Variants in JAKMIP3 observed in about 807,000 individuals in gnomAD.
JAKMIP3 encodes the protein janus kinase and microtubule-interacting protein 3.
A neutral mutation model predicts 118.5 loss-of-function variants in JAKMIP3; 58 were observed. The ratio of observed to expected loss-of-function variants is 0.49; its 90% CI spans 0.40 to 0.61. The LOEUF (loss-of-function observed/expected upper bound fraction) is 0.61, where lower values mean the gene tolerates loss of function less well. JAKMIP3 is among the 20% of genes least tolerant of loss of function. The probability of loss-of-function intolerance (pLI) is 0.00; values close to 1 mark genes in which losing one functional copy is unlikely to be tolerated. For synonymous variants in JAKMIP3, 486 were observed against 451.2 expected (o/e 1.08, Z -0.98); for missense variants, 950 against 1,109.0 (o/e 0.86, Z 2.04).
At chr10:132,072,086 G>T (rs2040052044) in intron 1 of JAKMIP3, among the ~76,000 whole-genome samples, 1 of 151,858 alleles carries the variant, frequency 6.6e-6, no homozygotes, top group Admixed American at 6.6e-5. Flanking sequence ...CGAGTAGCTG[G>T]GATTACAGGC....
chr10:132,073,493 C>CTATT (rs1376908455), intron 1 of JAKMIP3, among the ~76,000 whole-genome samples: 2 of 134,902 alleles, frequency 1.5e-5, no homozygotes, highest in Admixed American at 7.5e-5. Flanking sequence ...CCTATCTTTA[C>CTATT]TTTTTTTTTT....
At chr10:132,114,396 T>C (rs904742527) in intron 2 of JAKMIP3, among the ~76,000 whole-genome samples, 11 of 152,216 alleles carry the variant, frequency 7.2e-5, no homozygotes, top group African/African-American at 2.4e-4. Flanking sequence ...TTAATTAATT[T>C]ATTTTTTTTG....
At chr10:132,176,687 T>C (rs962981756) in intron 23 of JAKMIP3, among the ~76,000 whole-genome samples, 1 of 152,014 alleles carries the variant, frequency 6.6e-6, no homozygotes, top group Non-Finnish European at 1.5e-5. Context: ...TTTTTTTGGG[T>C]GTTTGTGCTT....
intron 1 of JAKMIP3, among the ~76,000 whole-genome samples, chr10:132,072,728 C>A (rs9419339): frequency 1.3e-5 from 2 of 152,004 alleles, no homozygotes; most frequent in Admixed American, 6.5e-5. Flanking sequence ...TATCTCCATT[C>A]TTGGCCTCTA....
chr10:132,074,161 G>C (rs1459736179), intron 1 of JAKMIP3, among the ~76,000 whole-genome samples: 1 of 152,104 alleles, frequency 6.6e-6, no homozygotes, highest in African/African-American at 2.4e-5. Context: ...AAGGGATTCT[G>C]CTGCCTCAGA....
At position 132,044,436 on chromosome 10, in the gene JAKMIP3, C is replaced by T. The variant is rs2037849744; in HGVS notation, c.-138+7698C>T. 6.6e-6 allele frequency among the ~76,000 whole-genome samples: 1 copy of T among 152,182 alleles called. No homozygotes were observed. Among genetic ancestry groups the T allele is most frequent in the African/African-American group, 2.4e-5 (1 of 41,460 alleles). Reference sequence around the variant, plus strand: ...ATTCTGCAAGAGCTCGTGACGGGAGCTCACCAGTCTAGTAGGGAAGGTCAG... The same window carrying T: ...ATTCTGCAAGAGCTCGTGACGGGAGTTCACCAGTCTAGTAGGGAAGGTCAG... On this transcript the variant is annotated intron_variant, in intron 1 of 23. Coordinates refer to the JAKMIP3 transcript ENST00000657785. This position sits in a 1 kb window ranked among gnomAD's most constrained non-coding sequence, Gnocchi z 5.3.
At chr10:132,081,379 T>C (rs2041741246) in intron 1 of JAKMIP3, among the ~76,000 whole-genome samples, 1 of 152,240 alleles carries the variant, frequency 6.6e-6, no homozygotes, top group Non-Finnish European at 1.5e-5. Flanking sequence ...TTTTTGTCTA[T>C]GGTAGGAGCA....
At chr10:132,098,814 A>G (rs9419360) in intron 1 of JAKMIP3, among the ~76,000 whole-genome samples, 93,128 of 152,016 alleles carry the variant, frequency 0.61, 28,785 homozygotes, top group East Asian at 0.71. Flanking sequence ...AGCTGGATTT[A>G]CGACACTGGT....
intron 3 of JAKMIP3, among the ~76,000 whole-genome samples, chr10:132,119,494 C>T (rs1006693290): frequency 1.3e-5 from 2 of 152,198 alleles, no homozygotes; most frequent in Non-Finnish European, 2.9e-5. Flanking sequence ...CCGTCTCCCC[C>T]TTTCTCACAG....
intron 21 of JAKMIP3, among the ~76,000 whole-genome samples, chr10:132,165,695 C>A (rs1285023161): frequency 6.6e-6 from 1 of 152,218 alleles, no homozygotes; most frequent in Non-Finnish European, 1.5e-5. Context: ...GGACAGCAGT[C>A]GCCTTAGACG....
At chr10:132,074,307 C>A (rs961929347) in intron 1 of JAKMIP3, among the ~76,000 whole-genome samples, 5 of 152,242 alleles carry the variant, frequency 3.3e-5, no homozygotes, top group Non-Finnish European at 4.4e-5. Context: ...CCACCTTGGC[C>A]TCCCAAAGTG....
intron 23 of JAKMIP3, among the ~76,000 whole-genome samples, chr10:132,180,728 T>TGCGCGCGC (rs1186810345): frequency 5.0e-5 from 1 of 19,846 alleles, no homozygotes; most frequent in African/African-American, 3.2e-4. Flanking sequence ...TGCGTGTGTG[T>TGCGCGCGC]GCGTGTGTGC....
rs2059149628 is a variant in JAKMIP3 at position 132,168,274 on chromosome 10, G to A, written c.*344G>A. ...GTGTAGCATTCCCTGCCAAGCAGGGGTGAGAACTGCTTCTGTGCAGAAGCA... is the reference window on the plus strand; with the variant it reads ...GTGTAGCATTCCCTGCCAAGCAGGGATGAGAACTGCTTCTGTGCAGAAGCA... On this transcript the variant is annotated 3_prime_UTR_variant, in exon 23 of 24. Transcript: ENST00000684848. The A allele has an allele frequency of 7.8e-7, 1 of 1,289,336 alleles. No homozygotes were observed. The highest frequency in any genetic ancestry group is 1.5e-5 in the African/African-American group (1 of 65,854). The allele number at this position is 1,289,336 out of a possible 1,614,324, so 79.9% of individuals were successfully genotyped here.
At chr10:132,082,563 C>T (rs745951129) in intron 1 of JAKMIP3, among the ~76,000 whole-genome samples, 52 of 152,196 alleles carry the variant, frequency 3.4e-4, no homozygotes, top group Middle Eastern at 3.4e-3. Flanking sequence ...TTAATTCATT[C>T]CTTTTTATGG....
chr10:132,053,912 C>A (rs1317421904), intron 1 of JAKMIP3, among the ~76,000 whole-genome samples: 1 of 152,072 alleles, frequency 6.6e-6, no homozygotes, highest in Non-Finnish European at 1.5e-5. Context: ...TGGTGGGCAC[C>A]TGTAGTCCCA....
intron 2 of JAKMIP3, among the ~76,000 whole-genome samples, chr10:132,110,097 C>A (rs2046619718): frequency 6.6e-6 from 1 of 152,208 alleles, no homozygotes; most frequent in African/African-American, 2.4e-5. Flanking sequence ...GAATCCAGTT[C>A]TGGACCTCAA....
intron 1 of JAKMIP3, among the ~76,000 whole-genome samples, chr10:132,037,918 G>A (rs116301093): frequency 0.011 from 1,733 of 152,364 alleles, 35 homozygotes; most frequent in African/African-American, 0.039. Context: ...GCCCCGAGTC[G>A]GTTGCAGCCT....
At chr10:132,134,086 C>A (rs943949141) in intron 4 of JAKMIP3, among the ~76,000 whole-genome samples, 2 of 152,234 alleles carry the variant, frequency 1.3e-5, no homozygotes, top group Admixed American at 1.3e-4. Context: ...GCCGACCACC[C>A]CGGGCTGAGC....
chr10:132,081,899 A>C (rs1412239950), intron 1 of JAKMIP3, among the ~76,000 whole-genome samples: 1 of 151,872 alleles, frequency 6.6e-6, no homozygotes, highest in Non-Finnish European at 1.5e-5. Context: ...GTCTCTTCTT[A>C]ACCGGCCACT....
Sources: allele counts gnomAD v4.1 joint callset (sites outside exome capture counted in the v4.1 genomes callset), GRCh38; gene constraint gnomAD v4.1.1; non-coding constraint Gnocchi (gnomAD v3.1); transcripts MANE v1.5; gene names NCBI Gene and HGNC (gene_info 2026-07-23, HGNC 2026-07-21).